BRIP1: variants seen among roughly 807,000 people sequenced by gnomAD.
BRIP1 encodes Fanconi anemia group J protein.
Under a neutral mutation model 119.7 loss-of-function variants are expected in BRIP1, and 88 were observed. That is an observed-to-expected ratio of 0.74 (90% CI 0.62 to 0.88). The LOEUF is 0.88. Among genes scored for constraint, BRIP1 ranks in the 40% least tolerant of loss-of-function variants. BRIP1 has a pLI of 0.00. For missense variants in BRIP1, 1,259 were observed against 1,455.4 expected, an observed-to-expected ratio of 0.87 and a Z score of 2.20; for synonymous variants, 443 against 496.5, an observed-to-expected ratio of 0.89 and a Z score of 1.43.
In BRIP1 at chr17:61,847,124, T is replaced by C. The variant is rs778275257; in HGVS notation, c.604A>G (p.Ile202Val). The change falls in exon 6 of 20, where the codon ATA becomes GTA. Residue 202 changes from isoleucine to valine, a missense_variant. Coordinates refer to ENST00000259008, the MANE Select transcript of BRIP1 (RefSeq NM_032043.3). ...ACTTTCTGTGGCGAAAAGGAGTTTA[T>C]CTTTTCCAGTGGAGAGTTGAGTTTT... ...TVKLNSPLEK[I>V]NSFSPQKPPG... is the part of the protein sequence containing the mutation. The C allele has an allele frequency of 8.1e-6, 13 of 1,613,804 alleles. No individual in the cohort carries two copies. Among genetic ancestry groups the C allele is most frequent in the Non-Finnish European group, 1.0e-5 (12 of 1,179,742 alleles).
intron 16 of BRIP1, among the ~76,000 whole-genome samples, chr17:61,733,282 G>A (rs577418005): frequency 5.3e-5 from 8 of 152,246 alleles, no homozygotes; most frequent in South Asian, 2.1e-4. Flanking sequence ...CCAGCTGCTC[G>A]GGAGCTGAGG....
chr17:61,859,944 T>C (rs751181575), intron 2 of BRIP1, 37 bp from the exon 3 acceptor site: 11 of 1,414,418 alleles, frequency 7.8e-6, no homozygotes, highest in East Asian at 2.3e-5. Flanking sequence ...AATAAACATA[T>C]TAACTTTATA....
intron 16 of BRIP1, among the ~76,000 whole-genome samples, chr17:61,718,884 C>T (rs533977797): frequency 7.2e-5 from 11 of 152,090 alleles, no homozygotes; most frequent in African/African-American, 2.7e-4. Context: ...CTATGCATAT[C>T]CTCCTTTATA....
chr17:61,808,786 A>G lies in BRIP1; in HGVS notation c.628-29T>C, dbSNP rs1225931277. The G allele has an allele frequency of 1.2e-6, 2 of 1,600,988 alleles. No individual in the cohort carries two copies. Among genetic ancestry groups the G allele is most frequent in the Admixed American group, 1.7e-5 (1 of 59,954 alleles). On this transcript the variant is annotated intron_variant, in intron 6 of 19. Transcript: ENST00000259008. The surrounding 1 kb of genome is among the most constrained non-coding windows in gnomAD (Gnocchi z 4.1). ...TAAGAAAGGAAAGAAACGATAACTA[A>G]TATCTAAACTACCATAAAAAACGTT...
In BRIP1 at chr17:61,683,152, C is replaced by G. The variant is rs767771825; in HGVS notation, c.*144G>C. 1.6e-5 allele frequency: 17 copies of G among 1,075,514 alleles called. No homozygotes were observed. The highest frequency in any genetic ancestry group is 2.7e-5 in the Admixed American group (1 of 36,936). The allele number at this position is 1,075,514 out of a possible 1,614,324, so 66.6% of individuals were successfully genotyped here. On this transcript the variant is annotated 3_prime_UTR_variant, in exon 20 of 20. Coordinates refer to ENST00000259008, the MANE Select transcript of BRIP1 (RefSeq NM_032043.3). This position sits in a 1 kb window ranked among gnomAD's most constrained non-coding sequence, Gnocchi z 4.7. ...TCTCAAAAAAAAAAACCCAAAAACTCAAGAATAATAACATTTACATTTCTG... is the reference window on the plus strand; with the variant it reads ...TCTCAAAAAAAAAAACCCAAAAACTGAAGAATAATAACATTTACATTTCTG...
At position 61,753,699 on chromosome 17, in the gene BRIP1, T is replaced by G. The variant is rs2077163519; in HGVS notation, c.2098-9108A>C. Among the ~76,000 whole-genome samples the G allele has an allele frequency of 6.6e-6, 1 of 151,606 alleles. No homozygotes were observed. Among genetic ancestry groups the G allele is most frequent in the Admixed American group, 6.6e-5 (1 of 15,188 alleles). On this transcript the variant is annotated intron_variant, in intron 14 of 19. Transcript: ENST00000259008. This position sits in a 1 kb window ranked among gnomAD's most constrained non-coding sequence, Gnocchi z 4.6. ...TCATTGTAGCCTCACATTCCTGGGCTCAAGCGATCCTCCCACCTCAACCTC... is the reference window on the plus strand; with the variant it reads ...TCATTGTAGCCTCACATTCCTGGGCGCAAGCGATCCTCCCACCTCAACCTC...
In BRIP1 at chr17:61,744,650, C is replaced by G. The variant is rs886465812; in HGVS notation, c.2098-59G>C. On this transcript the variant is annotated intron_variant, in intron 14 of 19. Transcript: ENST00000259008. The surrounding 1 kb of genome is among the most constrained non-coding windows in gnomAD (Gnocchi z 5.0). Reference sequence around the variant, plus strand: ...GTGTCTAGCTAAACAAACTTAACTTCATTTGTTTAAGCCAATGTGACTACG... The same window carrying G: ...GTGTCTAGCTAAACAAACTTAACTTGATTTGTTTAAGCCAATGTGACTACG... The G allele has an allele frequency of 1.4e-6, 2 of 1,472,516 alleles. No homozygotes were observed. The highest frequency in any genetic ancestry group is 1.9e-6 in the Non-Finnish European group (2 of 1,052,600). 91.2% of individuals were successfully genotyped at this position (1,472,516 alleles called of 1,614,324 possible). A position where few individuals can be genotyped will look rare whatever the true frequency, so the allele number is the denominator to read the frequency against.
intron 16 of BRIP1, among the ~76,000 whole-genome samples, chr17:61,718,955 G>A (rs1186711012): frequency 6.6e-6 from 1 of 152,082 alleles, no homozygotes; most frequent in Non-Finnish European, 1.5e-5. Context: ...GCAAATAGTT[G>A]TTACATTGTA....
chr17:61,719,585 T>C (rs911102136), intron 16 of BRIP1, among the ~76,000 whole-genome samples: 10 of 151,102 alleles, frequency 6.6e-5, no homozygotes, highest in African/African-American at 2.2e-4. Flanking sequence ...ATTAGCCAGG[T>C]GTGGTGGCAG....
Position 61,808,446 on chromosome 17 carries a change from A to G in BRIP1, c.918+21T>C, listed in dbSNP as rs2145409746. 6.3e-7 allele frequency: 1 copy of G among 1,596,984 alleles called. No individual in the cohort carries two copies. Among genetic ancestry groups the G allele is most frequent in the South Asian group, 1.1e-5 (1 of 90,646 alleles). On this transcript the variant is annotated intron_variant, in intron 7 of 19. Coordinates refer to ENST00000259008, the MANE Select transcript of BRIP1 (RefSeq NM_032043.3). This position sits in a 1 kb window ranked among gnomAD's most constrained non-coding sequence, Gnocchi z 4.1. ...TATTTTCAGCCTTATTTTTTCTCTAACACAAAATAACTTTACTCACGTTTT... is the reference window on the plus strand; with the variant it reads ...TATTTTCAGCCTTATTTTTTCTCTAGCACAAAATAACTTTACTCACGTTTT...
rs1440730689 is a variant in BRIP1, at chr17:61,726,764, C to A, written c.2380-10701G>T. On this transcript the variant is annotated intron_variant, in intron 16 of 19. Transcript: ENST00000259008. The surrounding 1 kb of genome is among the most constrained non-coding windows in gnomAD (Gnocchi z 6.2). Reference sequence around the variant, plus strand: ...TAACATTAGCACTCTTTAATATCCTCCATAATACTTTTTGGTCACTTTTCA... The same window carrying A: ...TAACATTAGCACTCTTTAATATCCTACATAATACTTTTTGGTCACTTTTCA... 6.6e-6 allele frequency among the ~76,000 whole-genome samples: 1 copy of A among 152,134 alleles called. No homozygotes were observed. Among genetic ancestry groups the A allele is most frequent in the African/African-American group, 2.4e-5 (1 of 41,434 alleles).
chr17:61,846,310 C>T lies in BRIP1; in HGVS notation c.627+791G>A, dbSNP rs1170339463. 6.6e-6 allele frequency among the ~76,000 whole-genome samples: 1 copy of T among 151,930 alleles called. No homozygotes were observed. Among genetic ancestry groups the T allele is most frequent in the African/African-American group, 2.4e-5 (1 of 41,376 alleles). ...GCCAATACCTTGATTTCTGCTAAGG[C>T]ACCAACAGTTTTACCCATTCTTGCT... On this transcript the variant is annotated intron_variant, in intron 6 of 19. Transcript: ENST00000259008. The surrounding 1 kb of genome is among the most constrained non-coding windows in gnomAD (Gnocchi z 4.3).
In BRIP1 at chr17:61,852,673, A is replaced by G. The variant is rs1445314093; in HGVS notation, c.380-3417T>C. On this transcript the variant is annotated intron_variant, in intron 4 of 19. Coordinates refer to ENST00000259008, the MANE Select transcript of BRIP1 (RefSeq NM_032043.3). This position sits in a 1 kb window ranked among gnomAD's most constrained non-coding sequence, Gnocchi z 4.9. The stretch of plus-strand genomic sequence containing the variant: ...ACAGAGTGAGACCCCACCTCAAATA[A>G]AAAACAAAAGAAAAATGGCAAACAA... Among the ~76,000 whole-genome samples the G allele has an allele frequency of 6.6e-6, 1 of 152,176 alleles. No individual in the cohort carries two copies. The highest frequency in any genetic ancestry group is 1.5e-5 in the Non-Finnish European group (1 of 68,034).
In BRIP1 at chr17:61,681,553, A is replaced by C. The variant is rs2061271158; in HGVS notation, c.*1743T>G. ...TTCGTTTCACTACCCTACTATCCCT[A>C]TCTGTGGTTTAAGAATAATACCAGA... On this transcript the variant is annotated 3_prime_UTR_variant, in exon 20 of 20. Transcript: ENST00000259008. This position sits in a 1 kb window ranked among gnomAD's most constrained non-coding sequence, Gnocchi z 5.1. 1 of 205,274 alleles carries C rather than the reference A, an allele frequency of 4.9e-6. No individual in the cohort carries two copies. Among genetic ancestry groups the C allele is most frequent in the Non-Finnish European group, 1.0e-5 (1 of 100,242 alleles). 12.7% of individuals were successfully genotyped at this position (205,274 alleles called of 1,614,324 possible). A position where few individuals can be genotyped will look rare whatever the true frequency, so the allele number is the denominator to read the frequency against.
intron 14 of BRIP1, among the ~76,000 whole-genome samples, chr17:61,749,404 C>T (rs2109255): frequency 0.78 from 118,356 of 151,854 alleles, 46,655 homozygotes; most frequent in African/African-American, 0.85. Context: ...ATTAAGAAAC[C>T]CAATATTAAA....
chr17:61,725,123 GT>G lies in BRIP1; in HGVS notation c.2380-9061del, dbSNP rs1174654825. Among the ~76,000 whole-genome samples, 2 of 82,758 alleles carry G rather than the reference GT, an allele frequency of 2.4e-5. No individual in the cohort carries two copies. Among genetic ancestry groups the G allele is most frequent in the Non-Finnish European group, 5.0e-5 (2 of 39,728 alleles). The allele number at this position is 82,758 out of a possible 152,430, so 54.3% of individuals were successfully genotyped here. Reference sequence around the variant, plus strand: ...GATTTCTGACACAGTTAACCAAATAGTGTGTGTGTGTGTGTGTGTGTGTATA... The same window carrying G: ...GATTTCTGACACAGTTAACCAAATAGGTGTGTGTGTGTGTGTGTGTGTATA... On this transcript the variant is annotated intron_variant, in intron 16 of 19. Transcript: ENST00000259008. This position sits in a 1 kb window ranked among gnomAD's most constrained non-coding sequence, Gnocchi z 5.3.
rs1029765266 is a variant in BRIP1, at chr17:61,713,552, C to G, written c.2492+2399G>C. Among the ~76,000 whole-genome samples, 6 of 149,764 alleles carry G rather than the reference C, an allele frequency of 4.0e-5. No homozygotes were observed. Among genetic ancestry groups the G allele is most frequent in the African/African-American group, 1.5e-4 (6 of 40,554 alleles). On this transcript the variant is annotated intron_variant, in intron 17 of 19. Coordinates refer to ENST00000259008, the MANE Select transcript of BRIP1 (RefSeq NM_032043.3). The surrounding 1 kb of genome is among the most constrained non-coding windows in gnomAD (Gnocchi z 4.9). Reference sequence around the variant, plus strand: ...TTTTTTTTTTTTTGAGATGGAGTCTCGCTCTGTCGCCCAGGCTGGAGTGCA... The same window carrying G: ...TTTTTTTTTTTTTGAGATGGAGTCTGGCTCTGTCGCCCAGGCTGGAGTGCA...
chr17:61,691,518 C>T lies in BRIP1; in HGVS notation c.2575+1912G>A, dbSNP rs546809369. On this transcript the variant is annotated intron_variant, in intron 18 of 19. Transcript: ENST00000259008. The surrounding 1 kb of genome is among the most constrained non-coding windows in gnomAD (Gnocchi z 5.0). Reference sequence around the variant, plus strand: ...TTGCCCAGGCTAGAGTGCAGTGGCGCGGTCTTGGCTCACTGCAACCTCCGC... The same window carrying T: ...TTGCCCAGGCTAGAGTGCAGTGGCGTGGTCTTGGCTCACTGCAACCTCCGC... Among the ~76,000 whole-genome samples, 14 of 152,216 alleles carry T rather than the reference C, an allele frequency of 9.2e-5. No individual in the cohort carries two copies. The South Asian group carries it at 2.1e-3, about 23-fold the overall frequency.
chr17:61,830,961 G>T (rs773838814), intron 6 of BRIP1, among the ~76,000 whole-genome samples: 1 of 152,086 alleles, frequency 6.6e-6, no homozygotes, highest in South Asian at 2.1e-4. Context: ...TTACAGTCAG[G>T]CCAACATTCA....
Sources: gnomAD v4.1 joint callset for allele counts (sites outside exome capture counted in the v4.1 genomes callset) on GRCh38, gnomAD v4.1.1 for gene constraint, Gnocchi (gnomAD v3.1) non-coding constraint, MANE v1.5 for transcripts, NCBI Gene and HGNC (gene_info 2026-07-23, HGNC 2026-07-21) for gene names.